Variants in COL25A1 observed in about 807,000 individuals in gnomAD.
COL25A1 encodes collagen alpha-1(XXV) chain.
Under a neutral mutation model 128.4 loss-of-function variants are expected in COL25A1, and 103 were observed. The observed-to-expected ratio is 0.80, with a 90% CI of 0.68 to 0.94. COL25A1 has a LOEUF of 0.94. Ranked by LOEUF, COL25A1 falls within the 40% of genes least tolerant of loss-of-function variation. The probability of loss-of-function intolerance (pLI) is 0.00; values close to 1 mark genes in which losing one functional copy is unlikely to be tolerated. For missense variants in COL25A1, 745 were observed against 840.0 expected (o/e 0.89, Z 1.40); for synonymous variants, 279 against 277.2 (o/e 1.01, Z -0.06).
rs1479383772 is a variant in COL25A1 at position 108,809,619 on chromosome 4, A to T, written c.*4308T>A. ...ACATTTAAATATTTTGAAATGAAAA[A>T]AGTCATTAAAGTGTTTATTAGTACG... On this transcript the variant is annotated 3_prime_UTR_variant, in exon 38 of 38. Coordinates refer to ENST00000399132, the MANE Select transcript of COL25A1 (RefSeq NM_198721.4). The T allele has an allele frequency of 1.3e-5, 2 of 152,160 alleles. No homozygotes were observed. Among genetic ancestry groups the T allele is most frequent in the Non-Finnish European group, 2.9e-5 (2 of 67,908 alleles). 9.4% of individuals were successfully genotyped at this position (152,160 alleles called of 1,614,324 possible).
intron 3 of COL25A1, among the ~76,000 whole-genome samples, chr4:109,246,274 A>G (rs1484084226): frequency 6.6e-6 from 1 of 152,174 alleles, no homozygotes; most frequent in Non-Finnish European, 1.5e-5. Context: ...GCAGAGATAT[A>G]AAATGCAAAT....
At chr4:109,157,372 G>A (rs1398015198) in intron 3 of COL25A1, among the ~76,000 whole-genome samples, 2 of 152,092 alleles carry the variant, frequency 1.3e-5, no homozygotes, top group Non-Finnish European at 2.9e-5. Flanking sequence ...CTCAGCATAG[G>A]AAATTCCCTG....
At chr4:108,860,563 T>C (rs1375722350) in intron 23 of COL25A1, among the ~76,000 whole-genome samples, 1 of 152,174 alleles carries the variant, frequency 6.6e-6, no homozygotes, top group Non-Finnish European at 1.5e-5. Context: ...ATTAGTCATG[T>C]CATAATTCCC....
intron 3 of COL25A1, among the ~76,000 whole-genome samples, chr4:109,167,675 T>C (rs891222751): frequency 1.3e-5 from 2 of 152,142 alleles, no homozygotes; most frequent in Non-Finnish European, 2.9e-5. Flanking sequence ...AGTTACTTCA[T>C]GTACATTAGC....
chr4:109,138,351 G>GTATAT (rs1386944333), intron 3 of COL25A1, among the ~76,000 whole-genome samples: 14 of 152,120 alleles, frequency 9.2e-5, no homozygotes, highest in Non-Finnish European at 1.8e-4. Context: ...ATTCCATGGC[G>GTATAT]TATATGTGCC....
At chr4:108,920,224 G>A (rs538680227) in intron 12 of COL25A1, among the ~76,000 whole-genome samples, 3 of 152,100 alleles carry the variant, frequency 2.0e-5, no homozygotes, top group Non-Finnish European at 4.4e-5. Flanking sequence ...TTCTCTGGCC[G>A]TTTGGCAATC....
chr4:109,028,391 G>A (rs9993360), intron 5 of COL25A1, among the ~76,000 whole-genome samples: 1,859 of 152,240 alleles, frequency 0.012, 23 homozygotes, highest in Middle Eastern at 0.037. Context: ...TTACAAGCAT[G>A]AGCCACCATG....
intron 8 of COL25A1, 76 bp from the exon 9 acceptor site, chr4:108,941,513 GA>G: frequency 9.6e-7 from 1 of 1,040,784 alleles, no homozygotes; most frequent in East Asian, 2.4e-5. Flanking sequence ...AAGGCCCCAA[GA>G]AAGAAATAAA....
At chr4:108,826,940 G>A (rs897859374) in intron 33 of COL25A1, among the ~76,000 whole-genome samples, 195 bp downstream of exon 33, 1 of 152,176 alleles carries the variant, frequency 6.6e-6, no homozygotes, top group Non-Finnish European at 1.5e-5. Context: ...ATATGTGTCT[G>A]TACATGATGA....
intron 3 of COL25A1, among the ~76,000 whole-genome samples, chr4:109,176,976 A>G (rs1774164227): frequency 6.6e-6 from 1 of 152,158 alleles, no homozygotes; most frequent in Non-Finnish European, 1.5e-5. Flanking sequence ...AGAATTGTGA[A>G]AGGATACATT....
chr4:109,045,667 T>C (rs746209230), intron 5 of COL25A1, among the ~76,000 whole-genome samples: 30 of 152,304 alleles, frequency 2.0e-4, no homozygotes, highest in Middle Eastern at 6.8e-3. Flanking sequence ...CTAAGTACTA[T>C]GGTAGGGTTG....
rs1730714656 is a variant in COL25A1 at position 108,810,570 on chromosome 4, T to C, written c.*3357A>G. 1 of 152,022 alleles carries C rather than the reference T, an allele frequency of 6.6e-6. No homozygotes were observed. The highest frequency in any genetic ancestry group is 1.5e-5 in the Non-Finnish European group (1 of 67,874). 9.4% of individuals were successfully genotyped at this position (152,022 alleles called of 1,614,324 possible). A position where few individuals can be genotyped will look rare whatever the true frequency, so the allele number is the denominator to read the frequency against. The stretch of plus-strand genomic sequence containing the variant: ...GTATATTTGTGCACTAGGTACTCTA[T>C]ACGGTGTGTGCAGACTTCTCTGATG... On this transcript the variant is annotated 3_prime_UTR_variant, in exon 38 of 38. Transcript: ENST00000399132.
intron 31 of COL25A1, among the ~76,000 whole-genome samples, chr4:108,838,548 C>A (rs1578500183): frequency 6.6e-6 from 1 of 152,090 alleles, no homozygotes; most frequent in Non-Finnish European, 1.5e-5. Context: ...AAAAAAAAAC[C>A]CACTCTGCTG....
chr4:109,095,120 A>T (rs1416057048), intron 3 of COL25A1, among the ~76,000 whole-genome samples: 1 of 152,248 alleles, frequency 6.6e-6, no homozygotes, highest in African/African-American at 2.4e-5. Context: ...GTTCAAGCAC[A>T]TGTAACAAAA....
At chr4:108,850,776 T>C (rs1735675346) in intron 26 of COL25A1, among the ~76,000 whole-genome samples, 1 of 152,118 alleles carries the variant, frequency 6.6e-6, no homozygotes, top group South Asian at 2.1e-4. Flanking sequence ...GGCTCAAAAA[T>C]TACTTACTGA....
At chr4:109,093,475 A>C (rs954342712) in intron 3 of COL25A1, among the ~76,000 whole-genome samples, 1 of 151,334 alleles carries the variant, frequency 6.6e-6, no homozygotes, top group Admixed American at 6.6e-5. Flanking sequence ...AAAAAAAAAA[A>C]ACCTTTTTTA....
intron 3 of COL25A1, among the ~76,000 whole-genome samples, chr4:109,248,342 C>T (rs1780419027): frequency 6.6e-6 from 1 of 152,064 alleles, no homozygotes; most frequent in Non-Finnish European, 1.5e-5. Context: ...ATTTTACTAA[C>T]AAGTGTGTCC....
At chr4:108,909,009 G>A (rs1743887483) in intron 13 of COL25A1, among the ~76,000 whole-genome samples, 1 of 152,190 alleles carries the variant, frequency 6.6e-6, no homozygotes, top group African/African-American at 2.4e-5. Context: ...AGTGATGTAA[G>A]TTGCAAATCT....
intron 5 of COL25A1, among the ~76,000 whole-genome samples, chr4:109,019,594 A>C (rs34247456): frequency 3.3e-5 from 5 of 151,698 alleles, no homozygotes; most frequent in African/African-American, 1.2e-4. Context: ...AGCAGGGAAA[A>C]CCGCCTTATA....
Sources: gnomAD v4.1 joint callset for allele counts (sites outside exome capture counted in the v4.1 genomes callset) on GRCh38, gnomAD v4.1.1 for gene constraint, MANE v1.5 for transcripts, NCBI Gene and HGNC (gene_info 2026-07-23, HGNC 2026-07-21) for gene names.